Variants in NTNG1 observed in about 807,000 individuals in gnomAD.
NTNG1 encodes the protein netrin-G1.
In NTNG1, 16 loss-of-function variants were observed where a neutral mutation model predicts 54.0. The ratio of observed to expected loss-of-function variants is 0.30; its 90% CI spans 0.20 to 0.45. The LOEUF (loss-of-function observed/expected upper bound fraction) is 0.45, where lower values mean the gene tolerates loss of function less well. Ranked by LOEUF, NTNG1 falls within the 20% of genes least tolerant of loss-of-function variation. NTNG1 has a pLI of 1.00. For missense variants in NTNG1, 530 were observed against 678.7 expected (o/e 0.78, Z 2.43); for synonymous variants, 255 against 263.1 (o/e 0.97, Z 0.30).
chr1:107,318,966 T>A (rs1237071627), intron 2 of NTNG1, among the ~76,000 whole-genome samples: 1 of 152,144 alleles, frequency 6.6e-6, no homozygotes, highest in Non-Finnish European at 1.5e-5. Context: ...TCTCTAGAAT[T>A]GTGGTCATCA....
At chr1:107,472,150 G>T (rs1678019681) in intron 7 of NTNG1, among the ~76,000 whole-genome samples, 1 of 152,146 alleles carries the variant, frequency 6.6e-6, no homozygotes, top group Admixed American at 6.5e-5. Flanking sequence ...ACTACCTCAT[G>T]CTTTTAGTGC....
At chr1:107,474,382 T>C (rs1678178880) in intron 7 of NTNG1, among the ~76,000 whole-genome samples, 2 of 152,220 alleles carry the variant, frequency 1.3e-5, no homozygotes, top group Admixed American at 1.3e-4. Context: ...CACTTGGATC[T>C]TTAATTTGCA....
At chr1:107,204,631 C>T (rs1202561688) in intron 2 of NTNG1, among the ~76,000 whole-genome samples, 4 of 152,138 alleles carry the variant, frequency 2.6e-5, no homozygotes, top group African/African-American at 4.8e-5. Context: ...GCAGAAGAAT[C>T]ACTCAGCTGA....
chr1:107,228,113 C>T (rs1660809087), intron 2 of NTNG1, among the ~76,000 whole-genome samples: 1 of 152,150 alleles, frequency 6.6e-6, no homozygotes, highest in Admixed American at 6.6e-5. Flanking sequence ...AACTTTAAAA[C>T]ATTTAATTCT....
chr1:107,140,530 T>A (rs570381038), upstream of NTNG1, among the ~76,000 whole-genome samples: 2 of 152,126 alleles, frequency 1.3e-5, no homozygotes, highest in South Asian at 2.1e-4. Flanking sequence ...ATCAGTGCTA[T>A]GTGCAGTGAC....
chr1:107,190,435 T>C (rs1457037266), intron 2 of NTNG1, among the ~76,000 whole-genome samples: 2 of 152,166 alleles, frequency 1.3e-5, no homozygotes, highest in Non-Finnish European at 2.9e-5. Flanking sequence ...AAAAATTTTA[T>C]TATTATTATA....
intron 2 of NTNG1, among the ~76,000 whole-genome samples, chr1:107,171,080 A>G (rs1421963175): frequency 1.3e-5 from 2 of 152,148 alleles, no homozygotes; most frequent in Non-Finnish European, 2.9e-5. Context: ...TCAAAACCAG[A>G]TACAGTTTTT....
chr1:107,345,997 A>G (rs1669199038), intron 3 of NTNG1, among the ~76,000 whole-genome samples: 3 of 152,190 alleles, frequency 2.0e-5, no homozygotes, highest in Admixed American at 6.5e-5. Context: ...CAGTTACATC[A>G]ACCAGCAACA....
intron 2 of NTNG1, among the ~76,000 whole-genome samples, chr1:107,268,161 A>G (rs1252754759): frequency 1.3e-5 from 2 of 152,236 alleles, no homozygotes; most frequent in Admixed American, 6.5e-5. Flanking sequence ...ACTGTACTTC[A>G]TATCCCCTTC....
intron 5 of NTNG1, among the ~76,000 whole-genome samples, chr1:107,427,079 A>G (rs773335178): frequency 3.9e-4 from 59 of 151,998 alleles, no homozygotes; most frequent in Non-Finnish European, 6.3e-4. Context: ...GGATTCTCCT[A>G]CAGGATCTTT....
At chr1:107,357,367 CTAAACATGA>C (rs148827444) in intron 3 of NTNG1, among the ~76,000 whole-genome samples, 2,594 of 152,258 alleles carry the variant, frequency 0.017, 84 homozygotes, top group African/African-American at 0.059. Flanking sequence ...GGAAGAAAAG[CTAAACATGA>C]TTCATTCAGG....
chr1:107,202,310 T>C lies in NTNG1; in HGVS notation c.246+53471T>C, dbSNP rs188771633. Among the ~76,000 whole-genome samples the C allele has an allele frequency of 1.9e-4, 29 of 151,984 alleles. No homozygotes were observed. In the East Asian group the frequency reaches 4.6e-3, roughly 24 times the overall value. ...TGATTTGGACTATTTGTTTAACTTA[T>C]ATATATCTTACTTTTGTCATCTGGA... On this transcript the variant is annotated intron_variant, in intron 2 of 7. Transcript: ENST00000370068.
intron 1 of NTNG1, among the ~76,000 whole-genome samples, chr1:107,147,347 A>G (rs1204365012): frequency 1.3e-5 from 2 of 152,158 alleles, no homozygotes; most frequent in Non-Finnish European, 2.9e-5. Flanking sequence ...CCTTTGGGAC[A>G]AATTCTCTTC....
intron 2 of NTNG1, among the ~76,000 whole-genome samples, chr1:107,186,517 A>G (rs563202666): frequency 6.6e-6 from 1 of 152,244 alleles, no homozygotes; most frequent in East Asian, 1.9e-4. Context: ...CTTCAACTCT[A>G]TTCTATGTCA....
At chr1:107,269,422 T>G (rs1231380745) in intron 2 of NTNG1, among the ~76,000 whole-genome samples, 1 of 152,240 alleles carries the variant, frequency 6.6e-6, no homozygotes, top group East Asian at 1.9e-4. Flanking sequence ...TTATTTACCC[T>G]GCTTTATTGT....
rs147466888 is a variant in NTNG1 at position 107,406,329 on chromosome 1, AC to A, written c.1061-1351del. On this transcript the variant is annotated intron_variant, in intron 4 of 7. Transcript: ENST00000370068. ...TAGAACCTTAATGATTTTCACAGTTACCACCTGTTACTATACTTCAATGATG... is the reference window on the plus strand; with the variant it reads ...TAGAACCTTAATGATTTTCACAGTTACACCTGTTACTATACTTCAATGATG... Among the ~76,000 whole-genome samples, 1,366 of 152,314 alleles carry A rather than the reference AC, an allele frequency of 9.0e-3. 18 individuals are homozygous for A. Among genetic ancestry groups the A allele is most frequent in the African/African-American group, 0.027 (1,108 of 41,572 alleles).
chr1:107,463,455 T>C (rs1317862339), intron 7 of NTNG1, among the ~76,000 whole-genome samples: 8 of 152,120 alleles, frequency 5.3e-5, no homozygotes, highest in African/African-American at 1.4e-4. Context: ...CTTTACTGGC[T>C]GAATTGTCAA....
Position 107,395,196 on chromosome 1 carries a change from C to G in NTNG1, c.930C>G (p.Asn310Lys), listed in dbSNP as rs1557962666. The G allele has an allele frequency of 6.2e-7, 1 of 1,613,400 alleles. No individual in the cohort carries two copies. Among genetic ancestry groups the G allele is most frequent in the Non-Finnish European group, 8.5e-7 (1 of 1,179,474 alleles). ...NLHATVCVYD[N>K]SKLTCECEHN... ...ATGCCACTGTATGTGTGTATGACAA[C>G]AGCAAATTGACATGCGAATGTGAGC... Residue 310 changes from asparagine (N) to lysine (K), a missense_variant, in exon 4 of 8, where the codon AAC becomes AAG. Asn to Lys is a moderately conservative substitution (Grantham distance 94). Coordinates refer to ENST00000370068, the MANE Select transcript of NTNG1 (RefSeq NM_001113226.3).
intron 7 of NTNG1, among the ~76,000 whole-genome samples, chr1:107,478,422 T>G (rs1173378729): frequency 6.6e-6 from 1 of 152,184 alleles, no homozygotes; most frequent in Middle Eastern, 3.2e-3. Flanking sequence ...AATCAACTAG[T>G]AATTACTTAA....
Sources: gnomAD v4.1 joint callset for allele counts (sites outside exome capture counted in the v4.1 genomes callset) on GRCh38, gnomAD v4.1.1 for gene constraint, MANE v1.5 for transcripts, NCBI Gene and HGNC (gene_info 2026-07-23, HGNC 2026-07-21) for gene names.